The following CRKL variants were observed in gnomAD, a reference collection of about 807,000 sequenced individuals.
CRKL encodes crk-like protein.
In CRKL, 3 loss-of-function variants were observed where a neutral mutation model predicts 23.0. The observed-to-expected ratio is 0.13, with a 90% CI of 0.06 to 0.34. The LOEUF (loss-of-function observed/expected upper bound fraction) is 0.34, where lower values mean the gene tolerates loss of function less well. CRKL is among the 10% of genes least tolerant of loss of function. The pLI is 1.00. For missense variants in CRKL, 256 were observed against 394.5 expected (o/e 0.65, Z 2.97); for synonymous variants, 188 against 160.7 (o/e 1.17, Z -1.28).
chr22:20,933,665 C>A, intron 1 of CRKL, 114 bp from the exon 2 acceptor site: 2 of 921,972 alleles, frequency 2.2e-6, no homozygotes, highest in Non-Finnish European at 3.2e-6. Context: ...CAAAACTTGT[C>A]TCATAAAAAA....
intron 2 of CRKL, among the ~76,000 whole-genome samples, chr22:20,943,101 T>C (rs1470161706): frequency 6.6e-6 from 1 of 152,222 alleles, no homozygotes; most frequent in Admixed American, 6.5e-5. Flanking sequence ...TATGTCATTG[T>C]GGTTTTGATT....
intron 1 of CRKL, among the ~76,000 whole-genome samples, chr22:20,923,028 C>T (rs1360425062): frequency 1.3e-5 from 2 of 152,122 alleles, no homozygotes; most frequent in East Asian, 1.9e-4. Context: ...CAACAGAATG[C>T]TTCAGAAGGT....
Position 20,949,969 on chromosome 22 carries a change from T to A in CRKL, c.*124T>A. The stretch of plus-strand genomic sequence containing the variant: ...TGCCGAAGTCCAGCTTTCTGCAGAC[T>A]GGCAGTCGCACACACATTTGGAATG... On this transcript the variant is annotated 3_prime_UTR_variant, in exon 3 of 3. Coordinates refer to ENST00000354336, the MANE Select transcript of CRKL (RefSeq NM_005207.4). 7.7e-7 allele frequency: 1 copy of A among 1,294,814 alleles called. No individual in the cohort carries two copies. The highest frequency in any genetic ancestry group is 1.0e-6 in the Non-Finnish European group (1 of 954,410). The allele number at this position is 1,294,814 out of a possible 1,614,324, so 80.2% of individuals were successfully genotyped here.
In CRKL at chr22:20,951,496, C is replaced by G. The variant is rs57484744; in HGVS notation, c.*1651C>G. 9.5e-3 allele frequency: 2,168 copies of G among 228,080 alleles called. 44 individuals carry two copies. Among genetic ancestry groups the G allele is most frequent in the African/African-American group, 0.045 (2,013 of 45,148 alleles). The allele number at this position is 228,080 out of a possible 1,614,324, so 14.1% of individuals were successfully genotyped here. Reference sequence around the variant, plus strand: ...TCCATCATCTGCTGCACATAGCAGACTAGAATTCTGGGAACCCTGTGCAAT... The same window carrying G: ...TCCATCATCTGCTGCACATAGCAGAGTAGAATTCTGGGAACCCTGTGCAAT... On this transcript the variant is annotated 3_prime_UTR_variant, in exon 3 of 3. Transcript: ENST00000354336.
chr22:20,929,836 G>A (rs1323606000), intron 1 of CRKL, among the ~76,000 whole-genome samples: 4 of 152,158 alleles, frequency 2.6e-5, no homozygotes, highest in Admixed American at 6.5e-5. Context: ...TAATTGGGAA[G>A]CAATAAATTT....
intron 2 of CRKL, among the ~76,000 whole-genome samples, chr22:20,942,482 A>G (rs908473246): frequency 2.6e-5 from 4 of 152,224 alleles, no homozygotes; most frequent in South Asian, 2.1e-4. Flanking sequence ...CTTGATGGAT[A>G]CTTGAGTTGT....
At chr22:20,929,668 G>T (rs1921368445) in intron 1 of CRKL, among the ~76,000 whole-genome samples, 1 of 151,354 alleles carries the variant, frequency 6.6e-6, no homozygotes, top group African/African-American at 2.4e-5. Flanking sequence ...TTGTCATGTT[G>T]GCCAGGTTGG....
intron 1 of CRKL, among the ~76,000 whole-genome samples, chr22:20,929,420 C>T (rs1221702429): frequency 6.6e-6 from 1 of 151,964 alleles, no homozygotes; most frequent in East Asian, 1.9e-4. Flanking sequence ...CCGCCTTGGC[C>T]TCCCAAAGTG....
intron 2 of CRKL, among the ~76,000 whole-genome samples, chr22:20,945,710 T>G (rs1922033424): frequency 6.6e-6 from 1 of 152,210 alleles, no homozygotes. Flanking sequence ...CCTCTATCTC[T>G]CTGGCTACTC....
Position 20,950,870 on chromosome 22 carries a change from C to T in CRKL, c.*1025C>T. On this transcript the variant is annotated 3_prime_UTR_variant, in exon 3 of 3. Coordinates refer to ENST00000354336, the MANE Select transcript of CRKL (RefSeq NM_005207.4). ...GCAGAGGCCTTTATTGTCTTGGTTG[C>T]CAGTAGTACCTTGTTTTGCCATGTA... The T allele has an allele frequency of 4.3e-6, 1 of 231,538 alleles. No homozygotes were observed. Among genetic ancestry groups the T allele is most frequent in the East Asian group, 6.1e-5 (1 of 16,376 alleles). The allele number at this position is 231,538 out of a possible 1,614,324, so 14.3% of individuals were successfully genotyped here.
chr22:20,936,848 C>A (rs1921676798), intron 2 of CRKL, among the ~76,000 whole-genome samples: 1 of 151,718 alleles, frequency 6.6e-6, no homozygotes, highest in Non-Finnish European at 1.5e-5. Flanking sequence ...GCTGAGCAGG[C>A]CTTCCAGCTT....
chr22:20,935,922 A>T (rs1921642964), intron 2 of CRKL, among the ~76,000 whole-genome samples: 1 of 151,752 alleles, frequency 6.6e-6, no homozygotes, highest in South Asian at 2.1e-4. Context: ...TGGGAGGGCG[A>T]GGCTGGTGGA....
Position 20,927,842 on chromosome 22 carries a change from CAAAAAAAAAAAAA to C in CRKL, c.312-5925_312-5913del, listed in dbSNP as rs796204860. On this transcript the variant is annotated intron_variant, in intron 1 of 2. Transcript: ENST00000354336. ...TGGGTAACAGAGCAAGACTCTGTCT[CAAAAAAAAAAAAA>C]AAAAAAAAAAAGGAAAAAGAGTAAG... Among the ~76,000 whole-genome samples the C allele has an allele frequency of 7.1e-5, 4 of 56,260 alleles. No individual in the cohort carries two copies. The East Asian group carries it at 1.7e-3, about 24-fold the overall frequency. 36.9% of individuals were successfully genotyped at this position (56,260 alleles called of 152,430 possible). A position where few individuals can be genotyped will look rare whatever the true frequency, so the allele number is the denominator to read the frequency against.
chr22:20,939,341 C>T lies in CRKL; in HGVS notation c.777+5097C>T, dbSNP rs185242091. On this transcript the variant is annotated intron_variant, in intron 2 of 2. Transcript: ENST00000354336. Reference sequence around the variant, plus strand: ...CTGCAAGCTCCGCCTCCCGGGTTCACGCCATTCTCCTGCCTCAGCCTCCGG... The same window carrying T: ...CTGCAAGCTCCGCCTCCCGGGTTCATGCCATTCTCCTGCCTCAGCCTCCGG... Among the ~76,000 whole-genome samples, 898 of 150,500 alleles carry T rather than the reference C, an allele frequency of 6.0e-3. 8 individuals carry two copies. The highest frequency in any genetic ancestry group is 0.055 in the East Asian group (279 of 5,084).
chr22:20,939,676 T>C (rs1921792799), intron 2 of CRKL, among the ~76,000 whole-genome samples: 1 of 60,914 alleles, frequency 1.6e-5, no homozygotes, highest in Non-Finnish European at 4.1e-5. Flanking sequence ...CCTAGCCCAG[T>C]GTGTGGACTT....
rs1237690189 is a variant in CRKL at position 20,950,922 on chromosome 22, TGTG to T, written c.*1081_*1083del. ...CAGACAACACACAAAATAATGCAGT[TGTG>T]GTGTGCCATGCTATGTGCACAGCCC... On this transcript the variant is annotated 3_prime_UTR_variant, in exon 3 of 3. Coordinates refer to ENST00000354336, the MANE Select transcript of CRKL (RefSeq NM_005207.4). The T allele has an allele frequency of 8.6e-6, 2 of 232,232 alleles. No individual in the cohort carries two copies. Among genetic ancestry groups the T allele is most frequent in the African/African-American group, 4.4e-5 (2 of 45,296 alleles). 14.4% of individuals were successfully genotyped at this position (232,232 alleles called of 1,614,324 possible). A position where few individuals can be genotyped will look rare whatever the true frequency, so the allele number is the denominator to read the frequency against.
intron 2 of CRKL, among the ~76,000 whole-genome samples, chr22:20,945,895 A>G (rs1417153778): frequency 2.6e-5 from 4 of 152,230 alleles, no homozygotes; most frequent in African/African-American, 7.2e-5. Flanking sequence ...AGAGAGCAGG[A>G]TGATACCTGT....
chr22:20,943,542 A>C (rs1325969439), intron 2 of CRKL, among the ~76,000 whole-genome samples: 2 of 152,076 alleles, frequency 1.3e-5, no homozygotes, highest in Non-Finnish European at 2.9e-5. Context: ...GCCTGACCTT[A>C]GTTATTGTAT....
chr22:20,940,564 TCC>T (rs1271311035), intron 2 of CRKL, among the ~76,000 whole-genome samples: 2 of 67,172 alleles, frequency 3.0e-5, no homozygotes, highest in African/African-American at 8.5e-5. Context: ...TCTTTGGTGC[TCC>T]TTTTTTTTTT....
Sources: gnomAD v4.1 joint callset for allele counts (sites outside exome capture counted in the v4.1 genomes callset) on GRCh38, gnomAD v4.1.1 for gene constraint, MANE v1.5 for transcripts, NCBI Gene and HGNC (gene_info 2026-07-23, HGNC 2026-07-21) for gene names.